The following WDR4 variants were observed in gnomAD, a reference collection of about 807,000 sequenced individuals.
WDR4 encodes the protein WDR4 tRNA N7-guanosine methyltransferase non-catalytic subunit, also known as tRNA (guanine-N(7)-)-methyltransferase non-catalytic subunit WDR4.
Under a neutral mutation model 48.6 loss-of-function variants are expected in WDR4, and 47 were observed. That is an observed-to-expected ratio of 0.97 (90% CI 0.77 to 1.23). The LOEUF is 1.23. WDR4 is among the 50% of genes most tolerant of loss of function. The pLI, the probability that WDR4 is intolerant of heterozygous loss-of-function variation, is 0.00. For missense variants in WDR4, 606 were observed against 551.6 expected (o/e 1.10, Z -0.99); for synonymous variants, 268 against 230.0 (o/e 1.17, Z -1.49).
At chr21:42,871,367 T>C (rs1031064660) in intron 3 of WDR4, among the ~76,000 whole-genome samples, 3 of 152,186 alleles carry the variant, frequency 2.0e-5, no homozygotes, top group Admixed American at 2.0e-4. Context: ...CCACAGGTTG[T>C]CCAAGAAACC....
the WDR4 span, among the ~76,000 whole-genome samples, chr21:42,889,108 G>A: frequency 1.3e-5 from 2 of 151,104 alleles, no homozygotes; most frequent in African/African-American, 4.9e-5. Context: ...TCAGCCTCCC[G>A]AGTAGCTGAG....
At chr21:42,859,557 G>GCCAGGGGCCAGCGATCC in intron 6 of WDR4, 105 bp downstream of exon 6, 1 of 584,382 alleles carries the variant, frequency 1.7e-6, no homozygotes, top group Non-Finnish European at 2.6e-6. Context: ...GCCACAGCCA[G>GCCAGGGGCCAGCGATCC]CCAGGGGCCA....
intron 1 of WDR4, chr21:42,879,099 G>C (rs2058568638): frequency 4.2e-6 from 5 of 1,181,122 alleles, no homozygotes; most frequent in East Asian, 4.0e-5. Flanking sequence ...GGTCCCCGCC[G>C]GCGCCGCGGA....
chr21:42,868,855 A>G (rs2058307772), intron 3 of WDR4, among the ~76,000 whole-genome samples: 3 of 152,320 alleles, frequency 2.0e-5, no homozygotes, highest in South Asian at 2.1e-4. Flanking sequence ...CACTGTCCAC[A>G]CCTCTGCTGT....
At chr21:42,890,493 G>A in the WDR4 span, among the ~76,000 whole-genome samples, 3 of 152,234 alleles carry the variant, frequency 2.0e-5, no homozygotes, top group Non-Finnish European at 2.9e-5. Context: ...CCAAGATCGC[G>A]CCACTGCACT....
rs530676937 is a variant in WDR4 at position 42,879,265 on chromosome 21, G to A, written c.89+142C>T. 4.4e-6 allele frequency: 6 copies of A among 1,373,300 alleles called. No individual in the cohort carries two copies. In the African/African-American group the frequency reaches 7.5e-5, roughly 17 times the overall value. The allele number at this position is 1,373,300 out of a possible 1,614,324, so 85.1% of individuals were successfully genotyped here. ...GACGCGGCCAGGCCGAGACTGCGGC[G>A]GAGGACTCGTGGGCTGGAGCGGAGT... On this transcript the variant is annotated intron_variant, in intron 1 of 10. Transcript: ENST00000398208.
intron 6 of WDR4, 64 bp downstream of exon 6, chr21:42,859,598 C>CG: frequency 2.6e-5 from 8 of 305,674 alleles, no homozygotes; most frequent in Non-Finnish European, 4.6e-5. Flanking sequence ...CCAGGAGGCG[C>CG]CCACCCCACC....
chr21:42,855,288 C>A (rs547423566), intron 7 of WDR4, among the ~76,000 whole-genome samples: 3 of 152,174 alleles, frequency 2.0e-5, no homozygotes, highest in African/African-American at 7.2e-5. Context: ...GACCGTTTGG[C>A]GGGAAACTTT....
chr21:42,879,902 C>T (rs974018439), upstream of WDR4: 2 of 398,438 alleles, frequency 5.0e-6, no homozygotes, highest in Non-Finnish European at 8.9e-6. Context: ...AACCGGGGGC[C>T]GTGGCTCACA....
rs1361657432 is a variant in WDR4 at position 42,859,705 on chromosome 21, G to C, written c.584C>G (p.Ser195Cys). ...LGHTEFVSRI[S>C]VVPTQPGLLL... ...CAGCCCGGGCTGAGTTGGCACCACG[G>C]AGATACGGCTCACAAACCTGTGAGG... The change falls in exon 6 of 11, where the codon TCC becomes TGC. Residue 195 changes from serine to cysteine, a missense_variant. Ser to Cys is a moderately radical substitution (Grantham distance 112, BLOSUM62 -1). Coordinates refer to ENST00000398208, the MANE Select transcript of WDR4 (RefSeq NM_018669.6). 3.8e-6 allele frequency: 6 copies of C among 1,560,722 alleles called. No homozygotes were observed. The East Asian group carries it at 1.4e-4, about 38-fold the overall frequency.
chr21:42,844,115 G>C (rs2145975800), intron 11 of WDR4, among the ~76,000 whole-genome samples: 1 of 152,286 alleles, frequency 6.6e-6, no homozygotes, highest in Non-Finnish European at 1.5e-5. Context: ...CGTGGAAACA[G>C]AATCTACCAA....
chr21:42,861,786 T>C (rs1411053198), intron 5 of WDR4, among the ~76,000 whole-genome samples: 1 of 152,260 alleles, frequency 6.6e-6, no homozygotes, highest in African/African-American at 2.4e-5. Flanking sequence ...TTCCTTTGTG[T>C]AAATTCTAAT....
At chr21:42,881,745 T>G (rs1165593613), upstream of WDR4, among the ~76,000 whole-genome samples, 2 of 152,234 alleles carry the variant, frequency 1.3e-5, no homozygotes, top group African/African-American at 4.8e-5. Flanking sequence ...GTCTGTAGCA[T>G]GCATATCTTC....
At chr21:42,844,531 A>C (rs548427181), downstream of WDR4, among the ~76,000 whole-genome samples, 1 of 152,328 alleles carries the variant, frequency 6.6e-6, no homozygotes, top group East Asian at 1.9e-4. Flanking sequence ...CAGGACTGAG[A>C]CAACAAACCC....
chr21:42,892,575 T>G, the WDR4 span, among the ~76,000 whole-genome samples: 1 of 151,896 alleles, frequency 6.6e-6, no homozygotes, highest in Non-Finnish European at 1.5e-5. Flanking sequence ...GGCACGTCCA[T>G]CTCCGATGAA....
the WDR4 span, among the ~76,000 whole-genome samples, chr21:42,887,604 A>G: frequency 6.6e-6 from 1 of 152,198 alleles, no homozygotes; most frequent in Non-Finnish European, 1.5e-5. Context: ...GGTATGTGCT[A>G]ACATTAGTTT....
At chr21:42,868,147 A>G (rs1294123460) in intron 3 of WDR4, among the ~76,000 whole-genome samples, 1 of 152,162 alleles carries the variant, frequency 6.6e-6, no homozygotes, top group Non-Finnish European at 1.5e-5. Context: ...GCCATGCACG[A>G]TGCCAGGAGC....
chr21:42,880,669 T>G (rs2146126613), upstream of WDR4, among the ~76,000 whole-genome samples: 1 of 152,268 alleles, frequency 6.6e-6, no homozygotes. Context: ...TCAGCACAGC[T>G]CTTGCCTCTG....
chr21:42,859,574 C>T, intron 6 of WDR4, 88 bp downstream of exon 6: 1 of 1,385,728 alleles, frequency 7.2e-7, no homozygotes, highest in Non-Finnish European at 1.0e-6. Context: ...GCCAGCGATC[C>T]ACAGGGGCCA....
Sources: allele counts gnomAD v4.1 joint callset (sites outside exome capture counted in the v4.1 genomes callset), GRCh38; gene constraint gnomAD v4.1.1; transcripts MANE v1.5; gene names NCBI Gene and HGNC (gene_info 2026-07-23, HGNC 2026-07-21).